The following RUVBL1 variants were observed in gnomAD, a reference collection of about 807,000 sequenced individuals.
RUVBL1 encodes the protein ruvB-like 1.
RUVBL1 carries 4 observed loss-of-function variants against 52.4 expected under a neutral mutation model. The ratio of observed to expected loss-of-function variants is 0.08; its 90% CI spans 0.04 to 0.17. The LOEUF (loss-of-function observed/expected upper bound fraction) is 0.17, where lower values mean the gene tolerates loss of function less well. Ranked by LOEUF, RUVBL1 falls within the 10% of genes least tolerant of loss-of-function variation. The pLI is 1.00. For synonymous variants in RUVBL1, 217 were observed against 214.4 expected, an observed-to-expected ratio of 1.01 and a Z score of -0.10; for missense variants, 298 against 572.8, an observed-to-expected ratio of 0.52 and a Z score of 4.90.
upstream of RUVBL1, among the ~76,000 whole-genome samples, chr3:128,126,201 T>TTGTGTGTG (rs10576695): frequency 1.7e-4 from 25 of 147,624 alleles, no homozygotes; most frequent in African/African-American, 5.7e-4. Context: ...AGTTGTTCCT[T>TTGTGTGTG]TGTGTGTGTG....
Position 128,082,861 on chromosome 3 carries a change from G to A in RUVBL1, c.1120-287C>T, listed in dbSNP as rs1576440259. ...AAGGAGGTATGCAGCTTCCCAAGTG[G>A]CTCACTCTTGCCTCCATGTCCTCCC... is the stretch of plus-strand genomic sequence containing the variant. On this transcript the variant is annotated intron_variant, in intron 9 of 10. Transcript: ENST00000322623. This position sits in a 1 kb window ranked among gnomAD's most constrained non-coding sequence, Gnocchi z 4.7. 3.4e-6 allele frequency: 1 copy of A among 293,334 alleles called. No homozygotes were observed. The highest frequency in any genetic ancestry group is 6.5e-6 in the Non-Finnish European group (1 of 154,472). 18.2% of individuals were successfully genotyped at this position (293,334 alleles called of 1,614,324 possible).
chr3:128,127,869 C>T (rs1282984514), upstream of RUVBL1, among the ~76,000 whole-genome samples: 2 of 152,148 alleles, frequency 1.3e-5, no homozygotes, highest in African/African-American at 4.8e-5. Flanking sequence ...TGGCAGCACA[C>T]ACCTGTAGTC....
At chr3:128,117,302 T>C (rs998924903) in intron 2 of RUVBL1, among the ~76,000 whole-genome samples, 1 of 152,222 alleles carries the variant, frequency 6.6e-6, no homozygotes. Flanking sequence ...CGAGAAGCTC[T>C]AGCCCAGGGT....
At chr3:128,116,022 G>A (rs1226001914) in intron 2 of RUVBL1, among the ~76,000 whole-genome samples, 2 of 152,082 alleles carry the variant, frequency 1.3e-5, no homozygotes, top group African/African-American at 4.8e-5. Context: ...AGCTACTCAG[G>A]AGGCTGAGGT....
At chr3:128,142,970 G>A (rs956648818) in intron 1 of RUVBL1, among the ~76,000 whole-genome samples, 8 of 151,936 alleles carry the variant, frequency 5.3e-5, no homozygotes, top group East Asian at 3.9e-4. Flanking sequence ...TATTAGAGAC[G>A]GGGTTTTACC....
At chr3:128,099,793 G>A (rs79356716) in intron 6 of RUVBL1, among the ~76,000 whole-genome samples, 76 of 152,246 alleles carry the variant, frequency 5.0e-4, no homozygotes, top group East Asian at 1.5e-3. Context: ...ACTCAAAACC[G>A]AACCCCAAAC....
At position 128,067,884 on chromosome 3, in the gene RUVBL1, G is replaced by A. The variant is rs1942032651; in HGVS notation, c.940-2664C>T. ...AAAGTTCTCTGTATGAATATTGTCA[G>A]TGCTCGAAGAGGCGATCTGTAACTG... is the stretch of plus-strand genomic sequence containing the variant. On this transcript the variant is annotated intron_variant, in intron 9 of 9. Coordinates refer to the RUVBL1 transcript ENST00000464873. The surrounding 1 kb of genome is among the most constrained non-coding windows in gnomAD (Gnocchi z 4.1). The A allele has an allele frequency of 5.4e-6, 5 of 932,386 alleles. No individual in the cohort carries two copies. Among genetic ancestry groups the A allele is most frequent in the Non-Finnish European group, 7.0e-6 (4 of 573,690 alleles). The allele number at this position is 932,386 out of a possible 1,614,324, so 57.8% of individuals were successfully genotyped here. A position where few individuals can be genotyped will look rare whatever the true frequency, so the allele number is the denominator to read the frequency against.
intron 8 of RUVBL1, among the ~76,000 whole-genome samples, chr3:128,095,283 G>C (rs1942942684): frequency 6.6e-6 from 1 of 152,242 alleles, no homozygotes; most frequent in African/African-American, 2.4e-5. Flanking sequence ...TCCCTACTGT[G>C]GAGGGAGGGA....
chr3:128,111,185 A>G, intron 3 of RUVBL1, among the ~76,000 whole-genome samples: 1 of 149,372 alleles, frequency 6.7e-6, no homozygotes. Context: ...AGATCACGCC[A>G]CTGCACTCCA....
chr3:128,131,435 G>A (rs1373558295), intron 1 of RUVBL1, among the ~76,000 whole-genome samples: 12 of 152,016 alleles, frequency 7.9e-5, no homozygotes, highest in African/African-American at 2.4e-4. Context: ...CCAAGATCAC[G>A]TCACTGCACT....
rs1487243318 is a variant in RUVBL1, at chr3:128,098,956, G to A, written c.754-11C>T. 1 of 1,612,748 alleles carries A rather than the reference G, an allele frequency of 6.2e-7. No individual in the cohort carries two copies. The highest frequency in any genetic ancestry group is 1.7e-5 in the Admixed American group (1 of 60,018). On this transcript the variant is annotated splice_polypyrimidine_tract_variant and intron_variant, in intron 6 of 10. Coordinates refer to ENST00000322623, the MANE Select transcript of RUVBL1 (RefSeq NM_003707.3). Reference sequence around the variant, plus strand: ...GATATCTTGTCCCCCCTGCATAAGAGAAGACTTAGAGTCAGTGCTGCTTTC... The same window carrying A: ...GATATCTTGTCCCCCCTGCATAAGAAAAGACTTAGAGTCAGTGCTGCTTTC...
upstream of RUVBL1, among the ~76,000 whole-genome samples, chr3:128,125,300 C>A (rs192769184): frequency 1.3e-5 from 2 of 152,234 alleles, no homozygotes; most frequent in African/African-American, 4.8e-5. Context: ...CAAGCGTGAG[C>A]CACCGCGCCC....
chr3:128,146,357 T>C (rs894000412), intron 1 of RUVBL1, among the ~76,000 whole-genome samples: 3 of 151,860 alleles, frequency 2.0e-5, no homozygotes, highest in Non-Finnish European at 2.9e-5. Context: ...TCTGTGCTTA[T>C]GCATGGCCCC....
chr3:128,150,616 T>G (rs1192291841), intron 1 of RUVBL1, among the ~76,000 whole-genome samples: 1 of 137,202 alleles, frequency 7.3e-6, no homozygotes, highest in African/African-American at 2.7e-5. Flanking sequence ...ACTAATAGAA[T>G]ATATATTCTA....
At chr3:128,125,005 CTTTTTTT>C (rs749620135), upstream of RUVBL1, among the ~76,000 whole-genome samples, 44 of 61,378 alleles carry the variant, frequency 7.2e-4, no homozygotes, top group African/African-American at 2.7e-3. Flanking sequence ...CTCACACCGC[CTTTTTTT>C]TTTTTTTTTT....
chr3:128,151,899 T>C (rs1944223297), intron 1 of RUVBL1, among the ~76,000 whole-genome samples: 1 of 152,132 alleles, frequency 6.6e-6, no homozygotes, highest in South Asian at 2.1e-4. Flanking sequence ...CCTGTGAACT[T>C]TGTGCTCCAC....
chr3:128,113,116 G>A, intron 2 of RUVBL1, 96 bp from the exon 3 acceptor site: 1 of 1,378,924 alleles, frequency 7.3e-7, no homozygotes, highest in African/African-American at 1.4e-5. Context: ...AGGAACAGCT[G>A]AACATCTAGT....
downstream of RUVBL1, among the ~76,000 whole-genome samples, chr3:128,077,497 C>G (rs1261394487): frequency 6.6e-6 from 1 of 152,230 alleles, no homozygotes; most frequent in Non-Finnish European, 1.5e-5. Context: ...GACCTCTTTC[C>G]CAGACACCAA....
chr3:128,148,730 T>C (rs1369539519), intron 1 of RUVBL1, among the ~76,000 whole-genome samples: 1 of 152,192 alleles, frequency 6.6e-6, no homozygotes, highest in Non-Finnish European at 1.5e-5. Flanking sequence ...TATTCTGTAC[T>C]TGTACAAGCA....
Sources: gnomAD v4.1 joint callset for allele counts (sites outside exome capture counted in the v4.1 genomes callset) on GRCh38, gnomAD v4.1.1 for gene constraint, Gnocchi (gnomAD v3.1) non-coding constraint, MANE v1.5 for transcripts, NCBI Gene and HGNC (gene_info 2026-07-23, HGNC 2026-07-21) for gene names.